The following TPCN2 variants were observed in gnomAD, a reference collection of about 807,000 sequenced individuals.
The protein encoded by TPCN2 is two pore segment channel 2.
Under a neutral mutation model 111.4 loss-of-function variants are expected in TPCN2, and 92 were observed. That is an observed-to-expected ratio of 0.83 (90% CI 0.70 to 0.98). TPCN2 has a LOEUF of 0.98. TPCN2 is among the 50% of genes least tolerant of loss of function. The pLI, the probability that TPCN2 is intolerant of heterozygous loss-of-function variation, is 0.00. For synonymous variants in TPCN2, 405 were observed against 414.5 expected, an observed-to-expected ratio of 0.98 and a Z score of 0.28; for missense variants, 995 against 980.1, an observed-to-expected ratio of 1.02 and a Z score of -0.20.
chr11:69,054,028 T>G lies in TPCN2; in HGVS notation c.110-5T>G, dbSNP rs1406117527. 6.2e-6 allele frequency: 10 copies of G among 1,613,444 alleles called. No individual in the cohort carries two copies. The highest frequency in any genetic ancestry group is 8.5e-6 in the Non-Finnish European group (10 of 1,179,706). On this transcript the variant is annotated splice_polypyrimidine_tract_variant and splice_region_variant and intron_variant, in intron 1 of 24. Coordinates refer to ENST00000294309, the MANE Select transcript of TPCN2 (RefSeq NM_139075.4). Reference sequence around the variant, plus strand: ...GGTCACCTGATGTGTCCCCTCTGCCTGCAGGTGCCGCGGCCAGGTGGGACC... The same window carrying G: ...GGTCACCTGATGTGTCCCCTCTGCCGGCAGGTGCCGCGGCCAGGTGGGACC...
chr11:69,083,801 G>A (rs1270425970), intron 18 of TPCN2, 144 bp from the exon 19 acceptor site: 4 of 703,560 alleles, frequency 5.7e-6, no homozygotes, highest in Non-Finnish European at 7.6e-6. Flanking sequence ...GGGGGTGGCT[G>A]TGGGTCCAGG....
intron 19 of TPCN2, chr11:69,084,598 A>G: frequency 7.1e-6 from 7 of 985,422 alleles, no homozygotes; most frequent in Non-Finnish European, 8.4e-6. Flanking sequence ...CGCGCCGTGC[A>G]GAGTGACAGG....
chr11:69,087,314 C>A, intron 24 of TPCN2, 108 bp downstream of exon 24: 1 of 903,988 alleles, frequency 1.1e-6, no homozygotes, highest in Non-Finnish European at 1.7e-6. Context: ...CTGTCCTCCC[C>A]CTCCGCCCGG....
At chr11:69,073,465 G>T (rs576555721) in intron 13 of TPCN2, among the ~76,000 whole-genome samples, 10 of 152,364 alleles carry the variant, frequency 6.6e-5, no homozygotes, top group African/African-American at 2.2e-4. Context: ...CAGTGTGGGG[G>T]CAGCACGGGG....
At chr11:69,068,042 G>C (rs1199375501) in intron 8 of TPCN2, among the ~76,000 whole-genome samples, 1 of 151,848 alleles carries the variant, frequency 6.6e-6, no homozygotes, top group Non-Finnish European at 1.5e-5. Flanking sequence ...TCAGCTGTGG[G>C]AGCCACTGGG....
intron 7 of TPCN2, among the ~76,000 whole-genome samples, chr11:69,066,729 TG>T (rs1328859688): frequency 1.3e-5 from 2 of 152,188 alleles, no homozygotes; most frequent in Non-Finnish European, 2.9e-5. Flanking sequence ...CAAGTCCCGC[TG>T]TGCCACCTGC....
At chr11:69,067,866 C>T (rs867135104) in intron 8 of TPCN2, among the ~76,000 whole-genome samples, 12 of 152,164 alleles carry the variant, frequency 7.9e-5, no homozygotes, top group African/African-American at 2.9e-4. Context: ...CTCACTCCCT[C>T]CTCCCTTTTT....
Position 69,085,933 on chromosome 11 carries a change from G to C in TPCN2, c.2003+3G>C. Reference sequence around the variant, plus strand: ...GCATATCGGCGCTACTCAGGCCCGTGAGTCCTCGTCTCCCTGACGGCAGTG... The same window carrying C: ...GCATATCGGCGCTACTCAGGCCCGTCAGTCCTCGTCTCCCTGACGGCAGTG... On this transcript the variant is annotated splice_donor_region_variant and intron_variant, in intron 22 of 24. Coordinates refer to ENST00000294309, the MANE Select transcript of TPCN2 (RefSeq NM_139075.4). The C allele has an allele frequency of 4.3e-6, 7 of 1,613,406 alleles. No homozygotes were observed. Among genetic ancestry groups the C allele is most frequent in the Non-Finnish European group, 5.9e-6 (7 of 1,179,580 alleles).
chr11:69,078,926 T>G lies in TPCN2; in HGVS notation c.1445T>G (p.Leu482Trp). ...LNCVFIVYYLLEMLLKVFALG... is the reference protein window; with the variant it reads ...LNCVFIVYYLWEMLLKVFALG... Reference sequence around the variant, plus strand: ...TGCGTCTTCATTGTGTACTACCTGTTGGAGATGCTGCTCAAGGTCTTTGCC... The same window carrying G: ...TGCGTCTTCATTGTGTACTACCTGTGGGAGATGCTGCTCAAGGTCTTTGCC... Residue 482 changes from leucine (L) to tryptophan (W), a missense_variant, in exon 16 of 25, where the codon TTG becomes TGG. Leu to Trp is a moderately conservative substitution (Grantham distance 61). Coordinates refer to ENST00000294309, the MANE Select transcript of TPCN2 (RefSeq NM_139075.4). 6.2e-7 allele frequency: 1 copy of G among 1,614,112 alleles called. No individual in the cohort carries two copies. Among genetic ancestry groups the G allele is most frequent in the Non-Finnish European group, 8.5e-7 (1 of 1,180,002 alleles).
At chr11:69,053,856 C>A (rs1854620909) in intron 1 of TPCN2, among the ~76,000 whole-genome samples, 177 bp from the exon 2 acceptor site, 1 of 152,202 alleles carries the variant, frequency 6.6e-6, no homozygotes, top group Non-Finnish European at 1.5e-5. Context: ...GAGGCACTTA[C>A]CTGGTTTGGT....
At chr11:69,050,210 C>G (rs527372460) in intron 1 of TPCN2, among the ~76,000 whole-genome samples, 6 of 152,342 alleles carry the variant, frequency 3.9e-5, no homozygotes, top group African/African-American at 1.4e-4. Context: ...TCTTCAGGTG[C>G]TTCCTGGGAC....
rs1239729725 is a variant in TPCN2, at chr11:69,054,580, G to C, written c.175-141G>C. ...GATGGTGTGGGCCTGATGGGTCAGGGCTGGCCATGTCCACACGCTGAAGCG... is the reference window on the plus strand; with the variant it reads ...GATGGTGTGGGCCTGATGGGTCAGGCCTGGCCATGTCCACACGCTGAAGCG... On this transcript the variant is annotated intron_variant, in intron 2 of 24. Transcript: ENST00000294309. The C allele has an allele frequency of 2.1e-5, 16 of 760,614 alleles. No individual in the cohort carries two copies. The Admixed American group carries it at 3.4e-4, about 16-fold the overall frequency. 47.1% of individuals were successfully genotyped at this position (760,614 alleles called of 1,614,324 possible). A position where few individuals can be genotyped will look rare whatever the true frequency, so the allele number is the denominator to read the frequency against.
At chr11:69,082,177 G>A (rs2134630898) in intron 18 of TPCN2, among the ~76,000 whole-genome samples, 1 of 152,308 alleles carries the variant, frequency 6.6e-6, no homozygotes, top group South Asian at 2.1e-4. Context: ...TTCCTACGGG[G>A]CTGCTGTGCT....
intron 1 of TPCN2, among the ~76,000 whole-genome samples, chr11:69,052,530 T>C (rs1590701132): frequency 6.6e-6 from 1 of 152,020 alleles, no homozygotes; most frequent in Admixed American, 6.5e-5. Context: ...CTCGTGGCTG[T>C]GCATGTGGGC....
At chr11:69,082,214 C>T (rs1856043201) in intron 18 of TPCN2, among the ~76,000 whole-genome samples, 1 of 152,224 alleles carries the variant, frequency 6.6e-6, no homozygotes. Flanking sequence ...CACACACGCG[C>T]ACACGTGTTC....
intron 13 of TPCN2, 32 bp downstream of exon 13, chr11:69,073,033 A>G (rs1286497663): frequency 1.3e-6 from 2 of 1,531,690 alleles, no homozygotes; most frequent in Non-Finnish European, 1.8e-6. Flanking sequence ...CAGGGTGGAT[A>G]GTGGGGGCCT....
At chr11:69,078,424 GGC>G in intron 13 of TPCN2, 56 bp from the exon 14 acceptor site, 2 of 1,599,864 alleles carry the variant, frequency 1.3e-6, no homozygotes, top group South Asian at 2.2e-5. Context: ...AGCATTTTTG[GGC>G]TGCAACAGCC....
intron 4 of TPCN2, among the ~76,000 whole-genome samples, chr11:69,056,943 T>C (rs1335192227): frequency 1.3e-5 from 2 of 152,124 alleles, no homozygotes; most frequent in Non-Finnish European, 2.9e-5. Context: ...GTTCAAGTGA[T>C]TCTCCTGCCT....
In TPCN2 at chr11:69,089,997, C is replaced by T. The variant is rs1856390667; in HGVS notation, c.*2044C>T. 6.6e-6 allele frequency: 1 copy of T among 152,180 alleles called. No individual in the cohort carries two copies. The highest frequency in any genetic ancestry group is 1.5e-5 in the Non-Finnish European group (1 of 68,036). The allele number at this position is 152,180 out of a possible 1,614,324, so 9.4% of individuals were successfully genotyped here. On this transcript the variant is annotated 3_prime_UTR_variant, in exon 25 of 25. Coordinates refer to ENST00000294309, the MANE Select transcript of TPCN2 (RefSeq NM_139075.4). ...AAAGATGTTCAAGCCTTATTTTATA[C>T]TTGCCTGCCCCTTTCTCTTTCATTT...
Sources: gnomAD v4.1 joint callset for allele counts (sites outside exome capture counted in the v4.1 genomes callset) on GRCh38, gnomAD v4.1.1 for gene constraint, MANE v1.5 for transcripts, NCBI Gene and HGNC (gene_info 2026-07-23, HGNC 2026-07-21) for gene names.